Variants in TENM3 observed in about 807,000 individuals in gnomAD.
TENM3 encodes the protein teneurin transmembrane protein 3, also known as teneurin-3.
In TENM3, 63 loss-of-function variants were observed where a neutral mutation model predicts 255.1. That is an observed-to-expected ratio of 0.25 (90% CI 0.20 to 0.30). The LOEUF is 0.30. Among genes scored for constraint, TENM3 ranks in the 10% least tolerant of loss-of-function variants. The pLI is 1.00. For missense variants in TENM3, 2,929 were observed against 3,461.1 expected, an observed-to-expected ratio of 0.85 and a Z score of 3.86; for synonymous variants, 1,306 against 1,322.3, an observed-to-expected ratio of 0.99 and a Z score of 0.27.
intron 1 of TENM3, among the ~76,000 whole-genome samples, chr4:182,285,005 A>G (rs1426270273): frequency 1.3e-5 from 2 of 152,140 alleles, no homozygotes; most frequent in African/African-American, 2.4e-5. Flanking sequence ...GCATATATAT[A>G]TATTTGGAAA....
chr4:181,948,202 A>C, the TENM3 span, among the ~76,000 whole-genome samples: 1 of 152,166 alleles, frequency 6.6e-6, no homozygotes, highest in Admixed American at 6.5e-5. Context: ...TTAACTCTTA[A>C]GGAGAATATG....
intron 3 of TENM3, among the ~76,000 whole-genome samples, chr4:182,562,326 G>T (rs867790156): frequency 6.6e-6 from 1 of 152,054 alleles, no homozygotes; most frequent in African/African-American, 2.4e-5. Context: ...AAAGTGTCAC[G>T]GGATGGTGAG....
chr4:182,691,710 G>T (rs2152597908), intron 12 of TENM3, among the ~76,000 whole-genome samples: 1 of 152,232 alleles, frequency 6.6e-6, no homozygotes, highest in Non-Finnish European at 1.5e-5. Flanking sequence ...GATGGAAAAT[G>T]AAACAAGGAG....
the TENM3 span, among the ~76,000 whole-genome samples, chr4:182,046,907 T>A: frequency 5.9e-5 from 9 of 152,194 alleles, 1 homozygote; most frequent in Non-Finnish European, 1.3e-4. Context: ...TTATAGGCAA[T>A]GCCAAGAATT....
chr4:182,337,877 G>A (rs1019285279), intron 2 of TENM3, among the ~76,000 whole-genome samples: 5 of 152,162 alleles, frequency 3.3e-5, no homozygotes, highest in Admixed American at 1.3e-4. Context: ...AAAGGATCCT[G>A]AGTACATCCT....
At chr4:181,983,083 T>C in the TENM3 span, among the ~76,000 whole-genome samples, 1,356 of 152,172 alleles carry the variant, frequency 8.9e-3, 14 homozygotes, top group African/African-American at 0.031. Flanking sequence ...GCAATACTGT[T>C]TAATAAAGAA....
chr4:182,113,430 G>A, the TENM3 span, among the ~76,000 whole-genome samples: 2 of 152,112 alleles, frequency 1.3e-5, no homozygotes, highest in East Asian at 3.9e-4. Flanking sequence ...TGTGTTTGGG[G>A]AGTAGGAATA....
chr4:181,533,407 T>C, the TENM3 span, among the ~76,000 whole-genome samples: 1 of 152,158 alleles, frequency 6.6e-6, no homozygotes, highest in South Asian at 2.1e-4. Flanking sequence ...AGTCACCCTC[T>C]GGGGAAGAAG....
chr4:182,225,983 C>T (rs750850927), intron 1 of TENM3, among the ~76,000 whole-genome samples: 3 of 152,088 alleles, frequency 2.0e-5, no homozygotes, highest in Non-Finnish European at 2.9e-5. Flanking sequence ...AAGGAACCAT[C>T]GGGAAATACA....
At chr4:182,238,122 G>T (rs950633531) in intron 1 of TENM3, among the ~76,000 whole-genome samples, 2 of 152,144 alleles carry the variant, frequency 1.3e-5, no homozygotes, top group East Asian at 1.9e-4. Context: ...TCAGGGTGAA[G>T]AAACAGTCTC....
chr4:182,400,634 A>C (rs1769157454), intron 3 of TENM3, among the ~76,000 whole-genome samples: 1 of 152,364 alleles, frequency 6.6e-6, no homozygotes, highest in Middle Eastern at 3.4e-3. Context: ...GCAGTCTAAC[A>C]AAGTATAATA....
chr4:182,708,746 G>A (rs919863294), intron 12 of TENM3, among the ~76,000 whole-genome samples: 3 of 151,238 alleles, frequency 2.0e-5, no homozygotes, highest in Non-Finnish European at 2.9e-5. Flanking sequence ...TGCAGTGAGC[G>A]GAGATCGCGC....
chr4:182,407,337 A>G (rs567503203), intron 3 of TENM3, among the ~76,000 whole-genome samples: 1 of 152,224 alleles, frequency 6.6e-6, no homozygotes, highest in Non-Finnish European at 1.5e-5. Flanking sequence ...TTAAAGTGGA[A>G]TAGCGATTCT....
chr4:181,984,677 T>C, the TENM3 span, among the ~76,000 whole-genome samples: 13 of 152,026 alleles, frequency 8.6e-5, no homozygotes, highest in Non-Finnish European at 1.0e-4. Flanking sequence ...TAGTAAATTA[T>C]AGAGTAACAA....
At chr4:182,139,685 C>T (rs951506720), upstream of TENM3, among the ~76,000 whole-genome samples, 1 of 152,168 alleles carries the variant, frequency 6.6e-6, no homozygotes, top group African/African-American at 2.4e-5. Context: ...AAACCAAAAC[C>T]GAAAGTTCCA....
chr4:181,882,866 A>T, the TENM3 span, among the ~76,000 whole-genome samples: 1 of 152,218 alleles, frequency 6.6e-6, no homozygotes, highest in Non-Finnish European at 1.5e-5. Flanking sequence ...AATGACTTAT[A>T]ATCATCAGAT....
the TENM3 span, among the ~76,000 whole-genome samples, chr4:182,066,842 C>T: frequency 0.017 from 2,537 of 152,034 alleles, 57 homozygotes; most frequent in African/African-American, 0.054. Flanking sequence ...ACCCGGGAGG[C>T]GGAGCTTGCA....
chr4:182,065,940 T>C, the TENM3 span, among the ~76,000 whole-genome samples: 1 of 152,256 alleles, frequency 6.6e-6, no homozygotes. Flanking sequence ...TTGGCTGTTG[T>C]TAACAGTGCA....
the TENM3 span, among the ~76,000 whole-genome samples, chr4:181,898,185 T>C: frequency 1.3e-5 from 2 of 152,160 alleles, no homozygotes; most frequent in Non-Finnish European, 2.9e-5. Context: ...AAAAATACTT[T>C]AGTGGTACTT....
Sources: allele counts gnomAD v4.1 joint callset (sites outside exome capture counted in the v4.1 genomes callset), GRCh38; gene constraint gnomAD v4.1.1; transcripts MANE v1.5; gene names NCBI Gene and HGNC (gene_info 2026-07-23, HGNC 2026-07-21).